Variants in STK32B observed in about 807,000 individuals in gnomAD.
STK32B encodes serine/threonine-protein kinase 32B.
A neutral mutation model predicts 52.6 loss-of-function variants in STK32B; 43 were observed. The observed-to-expected ratio is 0.82, with a 90% CI of 0.64 to 1.05. The LOEUF is 1.05. STK32B is among the 50% of genes least tolerant of loss of function. The pLI, the probability that STK32B is intolerant of heterozygous loss-of-function variation, is 0.00. For missense variants in STK32B, 621 were observed against 534.6 expected (o/e 1.16, Z -1.59); for synonymous variants, 238 against 204.3 (o/e 1.17, Z -1.41).
At chr4:5,143,101 C>CTGTCTGTCTG (rs1553835236) in intron 2 of STK32B, among the ~76,000 whole-genome samples, 3 of 135,692 alleles carry the variant, frequency 2.2e-5, no homozygotes, top group South Asian at 2.6e-4. Flanking sequence ...CTGTCTCTGT[C>CTGTCTGTCTG]TCTGTCTGTC....
At chr4:5,282,394 T>G (rs1333607706) in intron 3 of STK32B, among the ~76,000 whole-genome samples, 1 of 152,204 alleles carries the variant, frequency 6.6e-6, no homozygotes, top group Non-Finnish European at 1.5e-5. Context: ...GAGGGCCTAC[T>G]GTATATACCT....
intron 3 of STK32B, among the ~76,000 whole-genome samples, chr4:5,296,285 G>C (rs145383517): frequency 1.3e-5 from 2 of 152,088 alleles, no homozygotes; most frequent in Admixed American, 6.5e-5. Context: ...GGTTCACTTG[G>C]TCTAGAGCTG....
At chr4:5,389,082 AG>A (rs1158544067) in intron 4 of STK32B, among the ~76,000 whole-genome samples, 1 of 152,232 alleles carries the variant, frequency 6.6e-6, no homozygotes, top group Non-Finnish European at 1.5e-5. Flanking sequence ...AAATGATTTG[AG>A]TAGCAGCATG....
At chr4:5,249,946 CCTT>C (rs1725795634) in intron 3 of STK32B, among the ~76,000 whole-genome samples, 1 of 152,116 alleles carries the variant, frequency 6.6e-6, no homozygotes, top group Admixed American at 6.6e-5. Flanking sequence ...TCAATTGTTC[CCTT>C]CTTTGTATCC....
At chr4:5,034,628 C>T in the STK32B span, among the ~76,000 whole-genome samples, 1 of 152,220 alleles carries the variant, frequency 6.6e-6, no homozygotes, top group South Asian at 2.1e-4. Flanking sequence ...TTAAAAACAA[C>T]TTTGCCTGTT....
At chr4:5,379,461 C>T (rs1405322537) in intron 4 of STK32B, among the ~76,000 whole-genome samples, 3 of 152,124 alleles carry the variant, frequency 2.0e-5, no homozygotes, top group Admixed American at 6.5e-5. Context: ...CCATGGGATT[C>T]CCATCTCTCC....
At chr4:5,393,713 T>C (rs1404352845) in intron 4 of STK32B, among the ~76,000 whole-genome samples, 1 of 152,036 alleles carries the variant, frequency 6.6e-6, no homozygotes, top group Non-Finnish European at 1.5e-5. Flanking sequence ...ACCCCCATGA[T>C]CCAATCACCT....
chr4:5,062,061 C>G (rs1742237916), intron 1 of STK32B, among the ~76,000 whole-genome samples: 1 of 152,178 alleles, frequency 6.6e-6, no homozygotes, highest in Non-Finnish European at 1.5e-5. Context: ...ATATTCCAGT[C>G]CACCAGAAGC....
At chr4:5,171,368 A>C (rs1412853479) in intron 3 of STK32B, among the ~76,000 whole-genome samples, 1 of 151,850 alleles carries the variant, frequency 6.6e-6, no homozygotes, top group African/African-American at 2.4e-5. Context: ...TGTTTTAGAC[A>C]TGAAGTCCTT....
chr4:5,074,710 T>C (rs575261286), intron 1 of STK32B, among the ~76,000 whole-genome samples: 2 of 152,298 alleles, frequency 1.3e-5, no homozygotes, highest in Admixed American at 1.3e-4. Context: ...CAATGAACTT[T>C]TTATTTCAGA....
chr4:5,178,888 C>A (rs886312071), intron 3 of STK32B, among the ~76,000 whole-genome samples: 1 of 152,212 alleles, frequency 6.6e-6, no homozygotes, highest in African/African-American at 2.4e-5. Flanking sequence ...ATCTTCCTGT[C>A]TTCTTCTGAG....
At position 5,398,956 on chromosome 4, in the gene STK32B, A is replaced by G. The variant is rs1353941656; in HGVS notation, c.472+712A>G. On this transcript the variant is annotated intron_variant, in intron 5 of 11. Transcript: ENST00000282908. The surrounding 1 kb of genome is among the most constrained non-coding windows in gnomAD (Gnocchi z 4.9). Reference sequence around the variant, plus strand: ...ACCAGAATTACCTGGGGGACCTGGTAAAAATCAGAGGTCAGGCCCGGTCCT... The same window carrying G: ...ACCAGAATTACCTGGGGGACCTGGTGAAAATCAGAGGTCAGGCCCGGTCCT... Among the ~76,000 whole-genome samples the G allele has an allele frequency of 6.6e-6, 1 of 152,202 alleles. No homozygotes were observed. Among genetic ancestry groups the G allele is most frequent in the Non-Finnish European group, 1.5e-5 (1 of 68,038 alleles).
At chr4:5,190,909 G>C (rs1721142275) in intron 3 of STK32B, among the ~76,000 whole-genome samples, 1 of 152,154 alleles carries the variant, frequency 6.6e-6, no homozygotes, top group South Asian at 2.1e-4. Context: ...TTTGCAGGAA[G>C]CGGGCCTGCA....
At chr4:5,152,317 C>A (rs887290929) in intron 2 of STK32B, among the ~76,000 whole-genome samples, 4 of 152,220 alleles carry the variant, frequency 2.6e-5, no homozygotes, top group Admixed American at 6.5e-5. Flanking sequence ...TTTGCAGATG[C>A]AGGCTTGACA....
intron 4 of STK32B, among the ~76,000 whole-genome samples, chr4:5,362,194 G>A (rs1734589584): frequency 6.6e-6 from 1 of 152,150 alleles, no homozygotes; most frequent in Non-Finnish European, 1.5e-5. Flanking sequence ...CATTTTACTT[G>A]TGTTCCTCGA....
chr4:5,496,548 C>CCTGCTTCTGCTCTCGCACGGTGCG (rs61698429), intron 11 of STK32B, among the ~76,000 whole-genome samples: 1 of 137,920 alleles, frequency 7.3e-6, no homozygotes, highest in African/African-American at 3.3e-5. Flanking sequence ...AATGCCTTGC[C>CCTGCTTCTGCTCTCGCACGGTGCG]CTGCACCCAC....
At chr4:5,108,631 A>T in intron 1 of STK32B, among the ~76,000 whole-genome samples, 1 of 152,242 alleles carries the variant, frequency 6.6e-6, no homozygotes, top group East Asian at 1.9e-4. Context: ...TTTAGATTCA[A>T]CTTCCAGGTA....
At chr4:5,063,802 CA>C (rs1311995440) in intron 1 of STK32B, among the ~76,000 whole-genome samples, 2 of 152,172 alleles carry the variant, frequency 1.3e-5, no homozygotes, top group African/African-American at 4.8e-5. Flanking sequence ...TATCGAACAG[CA>C]TACCTTTATT....
At chr4:5,308,518 G>C (rs1577322507) in intron 3 of STK32B, among the ~76,000 whole-genome samples, 2 of 152,144 alleles carry the variant, frequency 1.3e-5, no homozygotes, top group Non-Finnish European at 1.5e-5. Context: ...TATTATAGGA[G>C]TAAGTGTGTG....
Sources: gnomAD v4.1 joint callset for allele counts (sites outside exome capture counted in the v4.1 genomes callset) on GRCh38, gnomAD v4.1.1 for gene constraint, Gnocchi (gnomAD v3.1) non-coding constraint, MANE v1.5 for transcripts, NCBI Gene and HGNC (gene_info 2026-07-23, HGNC 2026-07-21) for gene names.